CA5B: variants seen among roughly 807,000 people sequenced by gnomAD.
The protein encoded by CA5B is carbonic anhydrase 5B, mitochondrial.
Under a neutral mutation model 23.1 loss-of-function variants are expected in CA5B, and 15 were observed. The ratio of observed to expected loss-of-function variants is 0.65; its 90% CI spans 0.43 to 1.00. CA5B has a LOEUF of 1.00. CA5B is among the 50% of genes least tolerant of loss of function. The pLI, the probability that CA5B is intolerant of heterozygous loss-of-function variation, is 0.00. For missense variants in CA5B, 236 were observed against 252.2 expected (o/e 0.94, Z 0.43); for synonymous variants, 84 against 98.5 (o/e 0.85, Z 0.87).
In CA5B at chrX:15,768,310, A is replaced by G. The variant is rs1286177712; in HGVS notation, c.340+3535A>G. The stretch of plus-strand genomic sequence containing the variant: ...GGTATGAGCCACCGAGCCAGGCCTC[A>G]AGAATTCTTATCTACCCATTTGCAT... On this transcript the variant is annotated intron_variant, in intron 3 of 7. Coordinates refer to ENST00000318636, the MANE Select transcript of CA5B (RefSeq NM_007220.4). 4.5e-5 allele frequency among the ~76,000 whole-genome samples: 5 copies of G among 110,960 alleles called. No individual in the cohort carries two copies. In the Admixed American group the frequency reaches 4.8e-4, roughly 11 times the overall value.
rs763450170 is a variant in CA5B, at chrX:15,782,201, T to C, written c.775-284T>C. On this transcript the variant is annotated intron_variant, in intron 7 of 7. Transcript: ENST00000318636. ...ACTCATCCTTGGTAAATGGATAATA[T>C]GTGGGGACAGGGCCTTTGCCCCAAG... Among the ~76,000 whole-genome samples the C allele has an allele frequency of 2.7e-5, 3 of 112,166 alleles. No individual in the cohort carries two copies. The South Asian group carries it at 1.1e-3, about 42-fold the overall frequency.
At chrX:15,753,023 G>A (rs765107731) in intron 2 of CA5B, among the ~76,000 whole-genome samples, 12 of 110,492 alleles carry the variant, frequency 1.1e-4, no homozygotes, top group Admixed American at 2.9e-4. Context: ...GAGCTGTCCC[G>A]CCTTTCTGGA....
chrX:15,756,747 C>T (rs1430013925), intron 2 of CA5B, among the ~76,000 whole-genome samples: 1 of 110,968 alleles, frequency 9.0e-6, no homozygotes, highest in East Asian at 2.8e-4. Context: ...CCTATCTCTA[C>T]AAAAAATTTT....
At chrX:15,775,836 C>G in intron 6 of CA5B, 1 of 743,748 alleles carries the variant, frequency 1.3e-6, no homozygotes, top group Non-Finnish European at 1.6e-6. Flanking sequence ...CCCTCTGGTC[C>G]CCACCTCTTT....
intron 3 of CA5B, chrX:15,767,196 G>C: frequency 2.8e-6 from 1 of 352,406 alleles, no homozygotes; most frequent in East Asian, 2.1e-4. Flanking sequence ...CTTTCTTCTG[G>C]GGATCCTTGG....
chrX:15,779,045 A>G (rs898241181), intron 7 of CA5B, among the ~76,000 whole-genome samples: 5 of 111,768 alleles, frequency 4.5e-5, no homozygotes, highest in Non-Finnish European at 9.4e-5. Context: ...AAAAAGATAG[A>G]TAAAGTTGTA....
chrX:15,753,321 G>C (rs189770763), intron 2 of CA5B, among the ~76,000 whole-genome samples: 5 of 113,005 alleles, frequency 4.4e-5, no homozygotes, highest in Non-Finnish European at 9.4e-5. Flanking sequence ...CTGTTTGGCA[G>C]TTGGTTGAAA....
rs745741889 is a variant in CA5B at position 15,782,466 on chromosome X, T to G, written c.775-19T>G. 6 of 1,184,967 alleles carry G rather than the reference T, an allele frequency of 5.1e-6. No homozygotes were observed. The African/African-American group carries it at 1.1e-4, about 21-fold the overall frequency. ...AGTTTTCTGTTGAAATTATTTATGC[T>G]TTCTGTTTCTATTTCTAGCTTGAGC... On this transcript the variant is annotated intron_variant, in intron 7 of 7. Transcript: ENST00000318636.
intron 1 of CA5B, among the ~76,000 whole-genome samples, chrX:15,748,041 C>T (rs1173736428): frequency 4.5e-5 from 5 of 111,483 alleles, no homozygotes; most frequent in Admixed American, 2.8e-4. Context: ...TACATAGGGG[C>T]CACAGATTGG....
chrX:15,741,075 C>CT (rs1334182437), intron 1 of CA5B, among the ~76,000 whole-genome samples: 17 of 104,960 alleles, frequency 1.6e-4, no homozygotes, highest in South Asian at 8.7e-4. Flanking sequence ...TTTTCTTTTT[C>CT]TTTTTTTTTT....
At chrX:15,751,514 AT>A (rs1192403915) in intron 2 of CA5B, among the ~76,000 whole-genome samples, 1 of 110,069 alleles carries the variant, frequency 9.1e-6, no homozygotes, top group Non-Finnish European at 1.9e-5. Flanking sequence ...TCTATGGTTT[AT>A]ATTGGAAAGT....
At chrX:15,767,099 C>CT in intron 3 of CA5B, 1 of 873,055 alleles carries the variant, frequency 1.1e-6, no homozygotes, top group Non-Finnish European at 1.4e-6. Context: ...CAGACCCAGT[C>CT]TATAGGATAC....
At chrX:15,770,087 G>T (rs1457583754) in intron 3 of CA5B, among the ~76,000 whole-genome samples, 4 of 111,689 alleles carry the variant, frequency 3.6e-5, no homozygotes, top group Non-Finnish European at 7.5e-5. Flanking sequence ...GCCGATGTGG[G>T]TGGATCACTT....
chrX:15,770,165 T>C (rs1275040528), intron 3 of CA5B, among the ~76,000 whole-genome samples: 1 of 108,876 alleles, frequency 9.2e-6, no homozygotes, highest in Non-Finnish European at 1.9e-5. Flanking sequence ...ATACAAAAAT[T>C]ATTTGGGCAT....
chrX:15,754,958 T>C (rs978727460), intron 2 of CA5B, among the ~76,000 whole-genome samples: 7 of 112,415 alleles, frequency 6.2e-5, no homozygotes, highest in African/African-American at 2.3e-4. Flanking sequence ...TAGATCTTAA[T>C]ATACTGGACA....
Position 15,776,752 on chromosome X carries a change from C to G in CA5B, c.657C>G (p.Cys219Trp), listed in dbSNP as rs751204543. 1 of 1,209,303 alleles carries G rather than the reference C, an allele frequency of 8.3e-7. No homozygotes were observed. Among genetic ancestry groups the G allele is most frequent in the Non-Finnish European group, 1.1e-6 (1 of 893,111 alleles). ...AATTTGGGTCATTTGACCCTTCCTG[C>G]CTGATGCCTACCTGCCCAGATTACT... The part of the protein sequence containing the change: ...LVEFGSFDPS[C>W]LMPTCPDYWT... The change falls in exon 7 of 8, where the codon TGC (cysteine) becomes TGG (tryptophan). Residue 219 changes from cysteine (C) to tryptophan (W), a missense_variant. Around this residue, in one of 3 missense-constraint regions of CA5B, gnomAD observed 170 missense variants for 162.0 expected, o/e 1.05. Coordinates refer to ENST00000318636, the MANE Select transcript of CA5B (RefSeq NM_007220.4).
At chrX:15,754,193 G>A (rs973568641) in intron 2 of CA5B, among the ~76,000 whole-genome samples, 3 of 111,909 alleles carry the variant, frequency 2.7e-5, no homozygotes, top group Non-Finnish European at 3.8e-5. Context: ...CAGGGTAGGG[G>A]GGATCCATTC....
chrX:15,762,195 A>T (rs1295399397), intron 2 of CA5B, among the ~76,000 whole-genome samples: 1 of 108,555 alleles, frequency 9.2e-6, no homozygotes, highest in Non-Finnish European at 1.9e-5. Flanking sequence ...GCTTGAACCC[A>T]GGAGGCGGAG....
rs759131063 is a variant in CA5B at position 15,740,476 on chromosome X, A to C, written c.-54+2124A>C. 4.4e-5 allele frequency among the ~76,000 whole-genome samples: 5 copies of C among 112,591 alleles called. No homozygotes were observed. The South Asian group carries it at 1.8e-3, about 41-fold the overall frequency. ...CTCATGTATTGTTATAGGTATTGCA[A>C]TCAAGCATTAGCTAAATTGAATTTC... On this transcript the variant is annotated intron_variant, in intron 1 of 7. Coordinates refer to ENST00000318636, the MANE Select transcript of CA5B (RefSeq NM_007220.4).
Sources: allele counts gnomAD v4.1 joint callset (sites outside exome capture counted in the v4.1 genomes callset), GRCh38; gene constraint gnomAD v4.1.1; regional missense constraint gnomAD v4.1.1; transcripts MANE v1.5; gene names NCBI Gene and HGNC (gene_info 2026-07-23, HGNC 2026-07-21).